The following DLGAP1 variants were observed in gnomAD, a reference collection of about 807,000 sequenced individuals.
DLGAP1 encodes the protein disks large-associated protein 1.
A neutral mutation model predicts 90.8 loss-of-function variants in DLGAP1; 11 were observed. The ratio of observed to expected loss-of-function variants is 0.12; its 90% CI spans 0.08 to 0.20. DLGAP1 has a LOEUF of 0.20. DLGAP1 is among the 10% of genes least tolerant of loss of function. The pLI, the probability that DLGAP1 is intolerant of heterozygous loss-of-function variation, is 1.00. For synonymous variants in DLGAP1, 558 were observed against 540.7 expected, an observed-to-expected ratio of 1.03 and a Z score of -0.44; for missense variants, 1,050 against 1,333.8, an observed-to-expected ratio of 0.79 and a Z score of 3.31.
chr18:4,255,863 T>A (rs1038322465), intron 1 of DLGAP1, among the ~76,000 whole-genome samples: 1 of 152,200 alleles, frequency 6.6e-6, no homozygotes, highest in South Asian at 2.1e-4. Context: ...AGATATTTTA[T>A]CTAGAAAATT....
intron 1 of DLGAP1, among the ~76,000 whole-genome samples, chr18:4,252,944 T>G (rs146462601): frequency 0.018 from 2,720 of 152,360 alleles, 30 homozygotes; most frequent in Non-Finnish European, 0.026. Flanking sequence ...CACTTGGAGA[T>G]TGATCTTCCA....
At chr18:3,662,395 G>A (rs1460413) in intron 7 of DLGAP1, among the ~76,000 whole-genome samples, 4 of 152,082 alleles carry the variant, frequency 2.6e-5, no homozygotes, top group Non-Finnish European at 4.4e-5. Context: ...CCAACTCTGA[G>A]CCCAGACCAA....
At chr18:3,919,738 C>T (rs1216466811) in intron 3 of DLGAP1, among the ~76,000 whole-genome samples, 1 of 152,216 alleles carries the variant, frequency 6.6e-6, no homozygotes, top group Non-Finnish European at 1.5e-5. Context: ...AGCAGTTCTA[C>T]AATATTATCA....
At chr18:4,140,550 T>C (rs1233007801) in intron 2 of DLGAP1, among the ~76,000 whole-genome samples, 2 of 151,974 alleles carry the variant, frequency 1.3e-5, no homozygotes, top group East Asian at 3.9e-4. Context: ...CTAGTCAAGA[T>C]ACGAATAGTT....
In DLGAP1 at chr18:3,997,125, G is replaced by A. The variant is rs569105963; in HGVS notation, c.-73+7991C>T. Among the ~76,000 whole-genome samples, 8 of 53,462 alleles carry A rather than the reference G, an allele frequency of 1.5e-4. 4 individuals are homozygous for A. The South Asian group carries it at 8.3e-3, about 55-fold the overall frequency. The allele number at this position is 53,462 out of a possible 152,430, so 35.1% of individuals were successfully genotyped here. A position where few individuals can be genotyped will look rare whatever the true frequency, so the allele number is the denominator to read the frequency against. On this transcript the variant is annotated intron_variant, in intron 3 of 12. Transcript: ENST00000315677. ...CATGCCTTCGAGAAACCTTTCCCACGGGAAAGGTTATTTTCGTCTAATGTT... is the reference window on the plus strand; with the variant it reads ...CATGCCTTCGAGAAACCTTTCCCACAGGAAAGGTTATTTTCGTCTAATGTT...
At chr18:4,094,062 T>C (rs2075632022) in intron 2 of DLGAP1, among the ~76,000 whole-genome samples, 3 of 152,222 alleles carry the variant, frequency 2.0e-5, no homozygotes, top group Admixed American at 2.0e-4. Context: ...GATTCTTCCT[T>C]AGTATTTTAT....
rs182395776 is a variant in DLGAP1, at chr18:4,378,180, T to A, written c.-267+76826A>T. On this transcript the variant is annotated intron_variant, in intron 1 of 12. Coordinates refer to ENST00000315677, the MANE Select transcript of DLGAP1 (RefSeq NM_004746.4). The surrounding 1 kb of genome is among the most constrained non-coding windows in gnomAD (Gnocchi z 4.5). ...AAGTCTGCAAAGATACTACAAACTATGGTTATCTATACGGAAGACTACTGA... is the reference window on the plus strand; with the variant it reads ...AAGTCTGCAAAGATACTACAAACTAAGGTTATCTATACGGAAGACTACTGA... Among the ~76,000 whole-genome samples, 988 of 150,846 alleles carry A rather than the reference T, an allele frequency of 6.5e-3. 11 individuals are homozygous for A. Among genetic ancestry groups the A allele is most frequent in the African/African-American group, 0.023 (948 of 41,326 alleles).
At chr18:3,911,159 G>T (rs1487230822) in intron 3 of DLGAP1, among the ~76,000 whole-genome samples, 1 of 152,154 alleles carries the variant, frequency 6.6e-6, no homozygotes, top group Non-Finnish European at 1.5e-5. Flanking sequence ...CGTTGACTGG[G>T]CACCTACTTC....
At chr18:3,759,325 T>C (rs763197834) in intron 5 of DLGAP1, among the ~76,000 whole-genome samples, 6 of 151,518 alleles carry the variant, frequency 4.0e-5, no homozygotes, top group East Asian at 1.9e-4. Flanking sequence ...CTGGAGAAAC[T>C]GTTCAAAAAC....
At chr18:3,740,156 T>C (rs982368204) in intron 6 of DLGAP1, among the ~76,000 whole-genome samples, 2 of 152,220 alleles carry the variant, frequency 1.3e-5, no homozygotes, top group African/African-American at 4.8e-5. Flanking sequence ...AATCCACTGA[T>C]GTATTCTGCA....
intron 1 of DLGAP1, among the ~76,000 whole-genome samples, chr18:4,203,682 G>A (rs553358861): frequency 7.2e-5 from 11 of 152,224 alleles, no homozygotes; most frequent in Admixed American, 2.0e-4. Context: ...CATTTCCTGA[G>A]GGCCTCTCTG....
At chr18:4,340,082 C>T (rs2081156980) in intron 1 of DLGAP1, among the ~76,000 whole-genome samples, 1 of 152,096 alleles carries the variant, frequency 6.6e-6, no homozygotes, top group Non-Finnish European at 1.5e-5. Context: ...AATGTTTTTC[C>T]TATGCATACA....
intron 4 of DLGAP1, among the ~76,000 whole-genome samples, chr18:3,852,872 T>G (rs1200893485): frequency 6.6e-6 from 1 of 152,044 alleles, no homozygotes; most frequent in African/African-American, 2.4e-5. Context: ...TTTACATTAT[T>G]TTTAATTATT....
Position 3,499,038 on chromosome 18 carries a change from T to C in DLGAP1, c.*147A>G. ...GGCTGAGGGGGGCCCGGGGGGCGGC[T>C]CCTGCGAGGTGGACAACTACACCGC... On this transcript the variant is annotated 3_prime_UTR_variant, in exon 13 of 13. Transcript: ENST00000315677. This position sits in a 1 kb window ranked among gnomAD's most constrained non-coding sequence, Gnocchi z 6.4. The C allele has an allele frequency of 1.5e-6, 1 of 686,218 alleles. No homozygotes were observed. The highest frequency in any genetic ancestry group is 3.1e-5 in the East Asian group (1 of 31,982). The allele number at this position is 686,218 out of a possible 1,614,324, so 42.5% of individuals were successfully genotyped here.
intron 7 of DLGAP1, among the ~76,000 whole-genome samples, chr18:3,627,874 CCTTT>C (rs1448561518): frequency 8.0e-6 from 1 of 124,324 alleles, no homozygotes; most frequent in Non-Finnish European, 1.6e-5. Flanking sequence ...CTCCTTCCTT[CCTTT>C]TTTTTTTTTT....
At chr18:3,573,207 T>C (rs573570650) in intron 8 of DLGAP1, among the ~76,000 whole-genome samples, 33 of 152,220 alleles carry the variant, frequency 2.2e-4, no homozygotes, top group African/African-American at 7.9e-4. Context: ...GATTAAAATA[T>C]ATTAAGAATC....
chr18:3,520,243 C>A (rs901338772), intron 10 of DLGAP1, among the ~76,000 whole-genome samples: 2 of 152,022 alleles, frequency 1.3e-5, no homozygotes, highest in Non-Finnish European at 2.9e-5. Flanking sequence ...TCCCTGCTAC[C>A]CTGAGGCCTT....
chr18:3,996,788 A>G (rs892213446), intron 3 of DLGAP1, among the ~76,000 whole-genome samples: 2 of 152,076 alleles, frequency 1.3e-5, no homozygotes, highest in Admixed American at 6.5e-5. Flanking sequence ...TCTGTTTTCC[A>G]TGGTGCAGTT....
chr18:4,316,653 A>G (rs1270229163), intron 1 of DLGAP1, among the ~76,000 whole-genome samples: 6 of 152,192 alleles, frequency 3.9e-5, no homozygotes, highest in Non-Finnish European at 8.8e-5. Flanking sequence ...GCCACTCTAC[A>G]TTCTCTCTGC....
Sources: gnomAD v4.1 joint callset for allele counts (sites outside exome capture counted in the v4.1 genomes callset) on GRCh38, gnomAD v4.1.1 for gene constraint, Gnocchi (gnomAD v3.1) non-coding constraint, MANE v1.5 for transcripts, NCBI Gene and HGNC (gene_info 2026-07-23, HGNC 2026-07-21) for gene names.